The following CNTN4 variants were observed in gnomAD, a reference collection of about 807,000 sequenced individuals.
The protein encoded by CNTN4 is contactin-4.
A neutral mutation model predicts 122.5 loss-of-function variants in CNTN4; 77 were observed. The observed-to-expected ratio is 0.63, with a 90% confidence interval of 0.52 to 0.76. The LOEUF is 0.76. CNTN4 is among the 30% of genes least tolerant of loss of function. The pLI is 0.00. For missense variants in CNTN4, 1,256 were observed against 1,259.1 expected (o/e 1.00, Z 0.04); for synonymous variants, 512 against 447.0 (o/e 1.15, Z -1.83).
At chr3:2,154,213 C>T (rs958510748) in intron 2 of CNTN4, among the ~76,000 whole-genome samples, 25 of 151,732 alleles carry the variant, frequency 1.6e-4, no homozygotes, top group African/African-American at 5.1e-4. Flanking sequence ...GGTGAAACCC[C>T]GTCTCTACAA....
chr3:2,324,013 C>T (rs532309719), intron 2 of CNTN4, among the ~76,000 whole-genome samples: 2 of 152,284 alleles, frequency 1.3e-5, no homozygotes, highest in Admixed American at 1.3e-4. Context: ...CTAGATAAAT[C>T]TTGGTTATGG....
intron 14 of CNTN4, among the ~76,000 whole-genome samples, chr3:3,009,564 G>T (rs962136860): frequency 1.4e-5 from 2 of 146,230 alleles, no homozygotes; most frequent in South Asian, 4.4e-4. Context: ...TTCCCGAGTA[G>T]CTGGGACTAC....
intron 16 of CNTN4, among the ~76,000 whole-genome samples, chr3:3,033,378 T>C (rs768094226): frequency 2.3e-4 from 35 of 152,198 alleles, no homozygotes; most frequent in Non-Finnish European, 3.8e-4. Context: ...GTCTCACCTG[T>C]GGGTCTATAA....
intron 3 of CNTN4, among the ~76,000 whole-genome samples, chr3:2,541,249 A>T (rs1183103237): frequency 2.0e-5 from 3 of 152,118 alleles, no homozygotes; most frequent in Non-Finnish European, 4.4e-5. Context: ...GGAAATGTGG[A>T]GTATGGGCCT....
Position 2,634,435 on chromosome 3 carries a change from A to C in CNTN4, c.55+62877A>C, listed in dbSNP as rs539264675. Among the ~76,000 whole-genome samples, 9 of 152,290 alleles carry C rather than the reference A, an allele frequency of 5.9e-5. 2 individuals are homozygous for C. The Middle Eastern group carries it at 0.01, about 173-fold the overall frequency. On this transcript the variant is annotated intron_variant, in intron 4 of 24. Coordinates refer to ENST00000418658, the MANE Select transcript of CNTN4 (RefSeq NM_175607.3). ...TATTCAATGCTATAATAGTTTTGGA[A>C]ACTGAAGAAGGATATTACTTTTTGA... is the stretch of plus-strand genomic sequence containing the variant.
intron 4 of CNTN4, among the ~76,000 whole-genome samples, chr3:2,680,020 T>G (rs2085080671): frequency 6.6e-6 from 1 of 152,248 alleles, no homozygotes; most frequent in African/African-American, 2.4e-5. Context: ...GTTATTTGAC[T>G]TTTTAAAAAA....
At position 2,956,850 on chromosome 3, in the gene CNTN4, T is replaced by C. The variant is rs2094804730; in HGVS notation, c.1358+31071T>C. 2.0e-5 allele frequency among the ~76,000 whole-genome samples: 3 copies of C among 152,180 alleles called. No individual in the cohort carries two copies. The South Asian group carries it at 6.2e-4, about 31-fold the overall frequency. ...GGCTCTACTTTCTGCTTCTACGAGCTCTACTTTTTTAGATTTCACATGTAA... is the reference window on the plus strand; with the variant it reads ...GGCTCTACTTTCTGCTTCTACGAGCCCTACTTTTTTAGATTTCACATGTAA... On this transcript the variant is annotated intron_variant, in intron 13 of 24. Transcript: ENST00000418658.
At chr3:2,809,625 A>G (rs963699024) in intron 6 of CNTN4, among the ~76,000 whole-genome samples, 1 of 152,190 alleles carries the variant, frequency 6.6e-6, no homozygotes, top group East Asian at 1.9e-4. Flanking sequence ...CAGCTGCCTA[A>G]CCATTAACAC....
chr3:2,891,404 G>A (rs1205687191), intron 10 of CNTN4, among the ~76,000 whole-genome samples: 2 of 152,074 alleles, frequency 1.3e-5, no homozygotes, highest in African/African-American at 4.8e-5. Flanking sequence ...CCGAGGTTGT[G>A]CCACTGCACT....
At chr3:2,958,144 G>C (rs1208180498) in intron 13 of CNTN4, among the ~76,000 whole-genome samples, 1 of 152,164 alleles carries the variant, frequency 6.6e-6, no homozygotes, top group Non-Finnish European at 1.5e-5. Context: ...TAGTCATTCT[G>C]ACAAACAGAA....
intron 2 of CNTN4, among the ~76,000 whole-genome samples, chr3:2,165,382 T>C (rs73095902): frequency 6.6e-6 from 1 of 151,958 alleles, no homozygotes; most frequent in African/African-American, 2.4e-5. Context: ...CCCAGCTTTA[T>C]TGAAGAATAA....
At chr3:2,881,510 C>T (rs762681929) in intron 8 of CNTN4, among the ~76,000 whole-genome samples, 2 of 132,748 alleles carry the variant, frequency 1.5e-5, no homozygotes, top group Non-Finnish European at 3.3e-5. Flanking sequence ...AAGACTCAGT[C>T]TCAAGAAAAA....
At chr3:2,251,729 CT>C (rs977132496) in intron 2 of CNTN4, among the ~76,000 whole-genome samples, 1 of 151,090 alleles carries the variant, frequency 6.6e-6, no homozygotes, top group Non-Finnish European at 1.5e-5. Context: ...AGTATTACTT[CT>C]TTTTTTTAAT....
chr3:2,406,712 T>C (rs1328533995), intron 3 of CNTN4, among the ~76,000 whole-genome samples: 2 of 152,192 alleles, frequency 1.3e-5, no homozygotes, highest in Non-Finnish European at 2.9e-5. Context: ...AAAGTTTGCC[T>C]AACAATACAG....
At position 2,708,726 on chromosome 3, in the gene CNTN4, A is replaced by ATCTC. The variant is rs1342185325; in HGVS notation, c.56-27487_56-27486insTCTC. Among the ~76,000 whole-genome samples the ATCTC allele has an allele frequency of 8.1e-3, 991 of 122,468 alleles. 5 individuals are homozygous for ATCTC. The highest frequency in any genetic ancestry group is 0.012 in the Middle Eastern group (3 of 256). 80.3% of individuals were successfully genotyped at this position (122,468 alleles called of 152,430 possible). On this transcript the variant is annotated intron_variant, in intron 4 of 24. Transcript: ENST00000418658. ...TGCACGCAGGCACGCGCACGCGCGC[A>ATCTC]TCACACACACACACACACACACACA...
chr3:2,422,119 A>G (rs991650188), intron 3 of CNTN4, among the ~76,000 whole-genome samples: 2 of 152,240 alleles, frequency 1.3e-5, no homozygotes, highest in Non-Finnish European at 2.9e-5. Flanking sequence ...GGCTTTCACC[A>G]GAGGTGAAGT....
intron 3 of CNTN4, among the ~76,000 whole-genome samples, chr3:2,493,191 G>A (rs2076364812): frequency 6.6e-6 from 1 of 152,010 alleles, no homozygotes; most frequent in Non-Finnish European, 1.5e-5. Context: ...AGATGATAAA[G>A]TTGCTGTCCA....
intron 7 of CNTN4, among the ~76,000 whole-genome samples, chr3:2,832,554 A>C (rs1471812791): frequency 6.6e-6 from 1 of 152,194 alleles, no homozygotes; most frequent in East Asian, 1.9e-4. Flanking sequence ...AGAGAGTAGA[A>C]GGAAAGGAGG....
At chr3:3,011,591 C>G (rs1401408261) in intron 14 of CNTN4, among the ~76,000 whole-genome samples, 1 of 152,150 alleles carries the variant, frequency 6.6e-6, no homozygotes, top group Non-Finnish European at 1.5e-5. Context: ...AAATAAATGT[C>G]TATGTACAAT....
Sources: allele counts gnomAD v4.1 joint callset (sites outside exome capture counted in the v4.1 genomes callset), GRCh38; gene constraint gnomAD v4.1.1; transcripts MANE v1.5; gene names NCBI Gene and HGNC (gene_info 2026-07-23, HGNC 2026-07-21).